Variants in LHX5 observed in about 807,000 individuals in gnomAD.
LHX5 encodes the protein LIM/homeobox protein Lhx5.
A neutral mutation model predicts 30.6 loss-of-function variants in LHX5; 5 were observed. The ratio of observed to expected loss-of-function variants is 0.16; its 90% CI spans 0.09 to 0.34. LHX5 has a LOEUF of 0.34. LHX5 is among the 10% of genes least tolerant of loss of function. The probability of loss-of-function intolerance (pLI) is 1.00; values close to 1 mark genes in which losing one functional copy is unlikely to be tolerated. For missense variants in LHX5, 458 were observed against 570.6 expected (o/e 0.80, Z 2.01); for synonymous variants, 266 against 252.6 (o/e 1.05, Z -0.50).
rs900040385 is a variant in LHX5 at position 113,463,133 on chromosome 12, G to A, written c.*57C>T. On this transcript the variant is annotated 3_prime_UTR_variant, in exon 5 of 5. Coordinates refer to ENST00000261731, the MANE Select transcript of LHX5 (RefSeq NM_022363.3). The surrounding 1 kb of genome is among the most constrained non-coding windows in gnomAD (Gnocchi z 6.7). ...TCTGCGTCGGGCGTTTTGGTTTCAG[G>A]AGGCTGCTTCGGGGCGGGGCCCCCG... is the stretch of plus-strand genomic sequence containing the variant. 15 of 1,418,518 alleles carry A rather than the reference G, an allele frequency of 1.1e-5. No individual in the cohort carries two copies. Among genetic ancestry groups the A allele is most frequent in the Middle Eastern group, 2.5e-4 (1 of 3,960 alleles). The allele number at this position is 1,418,518 out of a possible 1,614,324, so 87.9% of individuals were successfully genotyped here. A position where few individuals can be genotyped will look rare whatever the true frequency, so the allele number is the denominator to read the frequency against.
At chr12:113,468,016 A>G in intron 3 of LHX5, 111 bp downstream of exon 3, 2 of 1,399,840 alleles carry the variant, frequency 1.4e-6, no homozygotes, top group Non-Finnish European at 1.9e-6. Flanking sequence ...GTCTGCTCCC[A>G]GACCAGAACC....
chr12:113,471,112 A>AC (rs1172439477), intron 1 of LHX5, among the ~76,000 whole-genome samples: 1 of 152,218 alleles, frequency 6.6e-6, no homozygotes, highest in Non-Finnish European at 1.5e-5. Context: ...CCTCGAGCCA[A>AC]CGTGAGGCAG....
chr12:113,465,343 C>T lies in LHX5; in HGVS notation c.842-1786G>A, dbSNP rs1238312910. ...GAAAACCAGCGAAGGCCGCTGCCCC[C>T]GCGCCGTGCGCGCCGCCTCCGCCCA... On this transcript the variant is annotated intron_variant, in intron 4 of 4. Transcript: ENST00000261731. The surrounding 1 kb of genome is among the most constrained non-coding windows in gnomAD (Gnocchi z 6.7). 1.3e-5 allele frequency among the ~76,000 whole-genome samples: 2 copies of T among 152,228 alleles called. No individual in the cohort carries two copies. Among genetic ancestry groups the T allele is most frequent in the African/African-American group, 2.4e-5 (1 of 41,466 alleles).
intron 1 of LHX5, among the ~76,000 whole-genome samples, chr12:113,470,088 C>T (rs1051211694): frequency 2.0e-5 from 3 of 152,212 alleles, no homozygotes; most frequent in East Asian, 3.8e-4. Flanking sequence ...AAGGCCAGGA[C>T]AGGAATCTCT....
At chr12:113,468,855 T>C (rs1441755300) in intron 2 of LHX5, among the ~76,000 whole-genome samples, 1 of 152,118 alleles carries the variant, frequency 6.6e-6, no homozygotes, top group Non-Finnish European at 1.5e-5. Context: ...GCTTCCAAAT[T>C]AGGGGAGGAG....
Position 113,464,238 on chromosome 12 carries a change from G to T in LHX5, c.842-681C>A, listed in dbSNP as rs1958197800. Among the ~76,000 whole-genome samples the T allele has an allele frequency of 6.6e-6, 1 of 152,228 alleles. No homozygotes were observed. Among genetic ancestry groups the T allele is most frequent in the Non-Finnish European group, 1.5e-5 (1 of 68,036 alleles). On this transcript the variant is annotated intron_variant, in intron 4 of 4. Transcript: ENST00000261731. This position sits in a 1 kb window ranked among gnomAD's most constrained non-coding sequence, Gnocchi z 6.2. ...TCGATGCGCCCAGAGAACGCAAGAC[G>T]GTGGATCAGAGATGAGTCCCAGGAA... is the stretch of plus-strand genomic sequence containing the variant.
rs1397510275 is a variant in LHX5 at position 113,463,061 on chromosome 12, C to A, written c.*129G>T. The A allele has an allele frequency of 6.2e-6, 5 of 805,294 alleles. No individual in the cohort carries two copies. Among genetic ancestry groups the A allele is most frequent in the South Asian group, 2.0e-5 (1 of 49,934 alleles). 49.9% of individuals were successfully genotyped at this position (805,294 alleles called of 1,614,324 possible). A position where few individuals can be genotyped will look rare whatever the true frequency, so the allele number is the denominator to read the frequency against. ...CCGAGGAGCAGCTGCCAGTTGAGTGCGGACCCGAGAGAGAACCCCCGAGGG... is the reference window on the plus strand; with the variant it reads ...CCGAGGAGCAGCTGCCAGTTGAGTGAGGACCCGAGAGAGAACCCCCGAGGG... On this transcript the variant is annotated 3_prime_UTR_variant, in exon 5 of 5. Transcript: ENST00000261731. This position sits in a 1 kb window ranked among gnomAD's most constrained non-coding sequence, Gnocchi z 6.7.
Position 113,468,115 on chromosome 12 carries a change from C to T in LHX5, c.675+12G>A, listed in dbSNP as rs1343445107. On this transcript the variant is annotated intron_variant, in intron 3 of 4. Coordinates refer to ENST00000261731, the MANE Select transcript of LHX5 (RefSeq NM_022363.3). ...AGCGGGGCTAAGGAGCTGTGCCCGC[C>T]CCGGGCCGCACCTGGATGACGCGCA... 1 of 1,537,322 alleles carries T rather than the reference C, an allele frequency of 6.5e-7. No homozygotes were observed. Among genetic ancestry groups the T allele is most frequent in the South Asian group, 1.2e-5 (1 of 81,558 alleles).
In LHX5 at chr12:113,471,545, C is replaced by A. The variant is rs766824952; in HGVS notation, c.-47G>T. 39 of 1,528,432 alleles carry A rather than the reference C, an allele frequency of 2.6e-5. No homozygotes were observed. The highest frequency in any genetic ancestry group is 3.2e-5 in the Non-Finnish European group (36 of 1,132,742). 94.7% of individuals were successfully genotyped at this position (1,528,432 alleles called of 1,614,324 possible). A position where few individuals can be genotyped will look rare whatever the true frequency, so the allele number is the denominator to read the frequency against. ...CGGCCGCCTTGCCCTCCCTTTGGGC[C>A]CCTGGCCCTCGGGCCTGCCGGGCCC... is the stretch of plus-strand genomic sequence containing the variant. On this transcript the variant is annotated 5_prime_UTR_variant, in exon 1 of 5. Coordinates refer to ENST00000261731, the MANE Select transcript of LHX5 (RefSeq NM_022363.3).
Position 113,463,765 on chromosome 12 carries a change from G to A in LHX5, c.842-208C>T, listed in dbSNP as rs1178776873. On this transcript the variant is annotated intron_variant, in intron 4 of 4. Coordinates refer to ENST00000261731, the MANE Select transcript of LHX5 (RefSeq NM_022363.3). The surrounding 1 kb of genome is among the most constrained non-coding windows in gnomAD (Gnocchi z 6.7). ...GGAGGGTTGGGGAGAGAGACAATGA[G>A]AGATCTCGAAAGGGCAAGAGACTCA... 6.6e-6 allele frequency among the ~76,000 whole-genome samples: 1 copy of A among 152,146 alleles called. No individual in the cohort carries two copies. The highest frequency in any genetic ancestry group is 1.5e-5 in the Non-Finnish European group (1 of 68,030).
At chr12:113,468,555 C>G in intron 2 of LHX5, 151 bp from the exon 3 acceptor site, 1 of 1,016,788 alleles carries the variant, frequency 9.8e-7, no homozygotes, top group Non-Finnish European at 1.4e-6. Flanking sequence ...GCGACAGCCC[C>G]TCCCCCAGGG....
rs1424324115 is a variant in LHX5 at position 113,471,827 on chromosome 12, G to A, written c.-329C>T. The A allele has an allele frequency of 5.9e-6, 2 of 336,544 alleles. No individual in the cohort carries two copies. Among genetic ancestry groups the A allele is most frequent in the South Asian group, 7.0e-5 (1 of 14,272 alleles). 20.8% of individuals were successfully genotyped at this position (336,544 alleles called of 1,614,324 possible). A position where few individuals can be genotyped will look rare whatever the true frequency, so the allele number is the denominator to read the frequency against. ...GCTTTCCCCGGTGGCGGAGGCGCCGGCACTTTCCCCCACTTTCAAGCGGTC... is the reference window on the plus strand; with the variant it reads ...GCTTTCCCCGGTGGCGGAGGCGCCGACACTTTCCCCCACTTTCAAGCGGTC... On this transcript the variant is annotated 5_prime_UTR_variant, in exon 1 of 5. Coordinates refer to ENST00000261731, the MANE Select transcript of LHX5 (RefSeq NM_022363.3).
intron 1 of LHX5, among the ~76,000 whole-genome samples, chr12:113,469,839 C>A (rs1015487268): frequency 1.3e-5 from 2 of 152,200 alleles, no homozygotes; most frequent in African/African-American, 4.8e-5. Flanking sequence ...AGGTGGGGAG[C>A]CCTTCTCCTA....
In LHX5 at chr12:113,467,840, G is replaced by C; in HGVS notation, c.675+287C>G. Among the ~76,000 whole-genome samples, 1 of 152,230 alleles carries C rather than the reference G, an allele frequency of 6.6e-6. No individual in the cohort carries two copies. Among genetic ancestry groups the C allele is most frequent in the South Asian group, 2.1e-4 (1 of 4,832 alleles). On this transcript the variant is annotated intron_variant, in intron 3 of 4. Coordinates refer to ENST00000261731, the MANE Select transcript of LHX5 (RefSeq NM_022363.3). This position sits in a 1 kb window ranked among gnomAD's most constrained non-coding sequence, Gnocchi z 6.3. Reference sequence around the variant, plus strand: ...AAAGGTGGAGGTAAAGAGGGATCCCGGACCCCAGAGAGGCTTACAACCTTC... The same window carrying C: ...AAAGGTGGAGGTAAAGAGGGATCCCCGACCCCAGAGAGGCTTACAACCTTC...
At position 113,462,972 on chromosome 12, in the gene LHX5, T is replaced by C; in HGVS notation, c.*218A>G. ...GCGGTTGCTGGGAGAGTACTGGCGG[T>C]GGGCTGAGGCTCCTGGAGAGCCCGC... On this transcript the variant is annotated 3_prime_UTR_variant, in exon 5 of 5. Transcript: ENST00000261731. The C allele has an allele frequency of 2.0e-6, 1 of 492,480 alleles. No homozygotes were observed. 30.5% of individuals were successfully genotyped at this position (492,480 alleles called of 1,614,324 possible).
Position 113,466,876 on chromosome 12 carries a change from T to C in LHX5, c.841+380A>G, listed in dbSNP as rs955830719. On this transcript the variant is annotated intron_variant, in intron 4 of 4. Transcript: ENST00000261731. The surrounding 1 kb of genome is among the most constrained non-coding windows in gnomAD (Gnocchi z 6.5). ...CTGGCCTCAGTGTGACTGGTGGGAG[T>C]GTGCGCGTCTGTGGAGTTGTGTCTC... Among the ~76,000 whole-genome samples the C allele has an allele frequency of 2.0e-5, 3 of 151,822 alleles. No individual in the cohort carries two copies. The highest frequency in any genetic ancestry group is 4.8e-5 in the African/African-American group (2 of 41,316).
In LHX5 at chr12:113,467,340, G is replaced by C; in HGVS notation, c.757C>G (p.Arg253Gly). 6.3e-7 allele frequency: 1 copy of C among 1,587,398 alleles called. No homozygotes were observed. ...AGCGGACGCATGCGCCGCGGACTCC[G>C]GAAGAAGGCGTGCCTCCGGGCGCCT... ...ALGARRHAFF[R>G]SPRRMRPLGG... is the part of the protein sequence containing the mutation. The change falls in exon 4 of 5, where the codon CGG becomes GGG. Residue 253 changes from arginine (R) to glycine (G), a missense_variant. Around this residue, in one of 3 missense-constraint regions of LHX5, gnomAD observed 255 missense variants for 246.8 expected, o/e 1.03. Transcript: ENST00000261731. This position sits in a 1 kb window ranked among gnomAD's most constrained non-coding sequence, Gnocchi z 6.3.
chr12:113,467,447 C>G lies in LHX5; in HGVS notation c.676-26G>C. Reference sequence around the variant, plus strand: ...CTGGGACAGAGGAGGGGGCTGTGAACCCAGGATCAGGAGTGTCCTCTCCCC... The same window carrying G: ...CTGGGACAGAGGAGGGGGCTGTGAAGCCAGGATCAGGAGTGTCCTCTCCCC... On this transcript the variant is annotated intron_variant, in intron 3 of 4. Transcript: ENST00000261731. This position sits in a 1 kb window ranked among gnomAD's most constrained non-coding sequence, Gnocchi z 6.3. The G allele has an allele frequency of 6.7e-7, 1 of 1,484,718 alleles. No individual in the cohort carries two copies. The highest frequency in any genetic ancestry group is 9.0e-7 in the Non-Finnish European group (1 of 1,107,072). The allele number at this position is 1,484,718 out of a possible 1,614,324, so 92.0% of individuals were successfully genotyped here. A position where few individuals can be genotyped will look rare whatever the true frequency, so the allele number is the denominator to read the frequency against.
intron 1 of LHX5, among the ~76,000 whole-genome samples, chr12:113,470,351 A>G (rs1958241136): frequency 6.6e-6 from 1 of 152,238 alleles, no homozygotes; most frequent in Non-Finnish European, 1.5e-5. Flanking sequence ...CGGCAGCGTA[A>G]TTGGCCATAT....
Sources: gnomAD v4.1 joint callset for allele counts (sites outside exome capture counted in the v4.1 genomes callset) on GRCh38, gnomAD v4.1.1 for gene constraint, gnomAD v4.1.1 regional missense constraint, Gnocchi (gnomAD v3.1) non-coding constraint, MANE v1.5 for transcripts, NCBI Gene and HGNC (gene_info 2026-07-23, HGNC 2026-07-21) for gene names.